CSE1L: variants seen among roughly 807,000 people sequenced by gnomAD.
CSE1L encodes exportin-2.
A neutral mutation model predicts 120.4 loss-of-function variants in CSE1L; 24 were observed. That is an observed-to-expected ratio of 0.20 (90% CI 0.14 to 0.28). The LOEUF (loss-of-function observed/expected upper bound fraction) is 0.28. Among genes scored for constraint, CSE1L ranks in the 10% least tolerant of loss-of-function variants. The pLI, the probability that CSE1L is intolerant of heterozygous loss-of-function variation, is 1.00. For missense variants in CSE1L, 830 were observed against 1,145.2 expected, an observed-to-expected ratio of 0.72 and a Z score of 3.97; for synonymous variants, 402 against 398.3, an observed-to-expected ratio of 1.01 and a Z score of -0.11.
rs1393698618 is a variant in CSE1L, at chr20:49,070,199, C to G, written c.676-6C>G. ...CAAAAGTTTCAAGTCAGTGTTTATT[C>G]TGTAGGATCTCCCTGAATTTTTTGA... On this transcript the variant is annotated splice_polypyrimidine_tract_variant and splice_region_variant and intron_variant, in intron 7 of 24. Transcript: ENST00000262982. The G allele has an allele frequency of 3.0e-6, 4 of 1,341,412 alleles. No individual in the cohort carries two copies. In the African/African-American group the frequency reaches 4.4e-5, roughly 15 times the overall value. 83.1% of individuals were successfully genotyped at this position (1,341,412 alleles called of 1,614,324 possible). A position where few individuals can be genotyped will look rare whatever the true frequency, so the allele number is the denominator to read the frequency against.
intron 3 of CSE1L, among the ~76,000 whole-genome samples, chr20:49,065,969 G>A (rs1428237836): frequency 6.6e-6 from 1 of 152,160 alleles, no homozygotes; most frequent in African/African-American, 2.4e-5. Context: ...TTGCATTTGG[G>A]AGGCAATGTA....
At chr20:49,073,528 C>T (rs117590849) in intron 10 of CSE1L, among the ~76,000 whole-genome samples, 1,715 of 152,246 alleles carry the variant, frequency 0.011, 14 homozygotes, top group Non-Finnish European at 0.019. Context: ...CTGTGTCACC[C>T]AGGCTGGAGT....
intron 6 of CSE1L, 51 bp from the exon 7 acceptor site, chr20:49,068,664 C>A: frequency 1.7e-6 from 2 of 1,171,822 alleles, no homozygotes; most frequent in Non-Finnish European, 2.6e-6. Context: ...CTAAGATCAG[C>A]ATGCTGGGTT....
At chr20:49,089,216 G>A (rs1188807326) in intron 17 of CSE1L, 31 bp from the exon 18 acceptor site, 8 of 1,496,562 alleles carry the variant, frequency 5.3e-6, no homozygotes, top group Non-Finnish European at 7.2e-6. Flanking sequence ...TGGATTATTA[G>A]CATAATTAGG....
rs377374408 is a variant in CSE1L at position 49,094,117 on chromosome 20, G to A, written c.2448-23G>A. On this transcript the variant is annotated intron_variant, in intron 22 of 24. Transcript: ENST00000262982. ...CATTATAGTGATAATCTAATATTAA[G>A]TTGATTTATTTTGCTTTAATAGAAT... 7 of 1,370,204 alleles carry A rather than the reference G, an allele frequency of 5.1e-6. No individual in the cohort carries two copies. In the Admixed American group the frequency reaches 6.0e-5, roughly 12 times the overall value. 84.9% of individuals were successfully genotyped at this position (1,370,204 alleles called of 1,614,324 possible).
intron 6 of CSE1L, 35 bp downstream of exon 6, chr20:49,067,315 A>T: frequency 7.6e-7 from 1 of 1,323,928 alleles, no homozygotes; most frequent in Non-Finnish European, 1.1e-6. Context: ...TTTTAAATTA[A>T]TATTTTAAAT....
intron 3 of CSE1L, among the ~76,000 whole-genome samples, chr20:49,065,007 A>G (rs2091879926): frequency 6.6e-6 from 1 of 151,518 alleles, no homozygotes; most frequent in African/African-American, 2.4e-5. Flanking sequence ...AAAATTTAAA[A>G]TTAGCCAGGT....
At chr20:49,083,419 G>T (rs1600540852) in intron 14 of CSE1L, among the ~76,000 whole-genome samples, 1 of 152,220 alleles carries the variant, frequency 6.6e-6, no homozygotes, top group East Asian at 1.9e-4. Flanking sequence ...ACCATGCCCA[G>T]CTAATTTTTT....
At position 49,072,231 on chromosome 20, in the gene CSE1L, T is replaced by C. The variant is rs2091937810; in HGVS notation, c.769-55T>C. The stretch of plus-strand genomic sequence containing the variant: ...GTTCAGGAATTTCAGTTACTCCTCT[T>C]ACTTATGTTAGCATTAGAGTTGTAT... On this transcript the variant is annotated intron_variant, in intron 8 of 24. Transcript: ENST00000262982. 1.9e-6 allele frequency: 3 copies of C among 1,573,852 alleles called. No homozygotes were observed. In the Admixed American group the frequency reaches 5.5e-5, roughly 29 times the overall value.
chr20:49,077,487 C>G (rs2091978515), intron 13 of CSE1L, among the ~76,000 whole-genome samples: 1 of 152,058 alleles, frequency 6.6e-6, no homozygotes, highest in Non-Finnish European at 1.5e-5. Context: ...AATAAAATCT[C>G]AAATGGTTTC....
chr20:49,057,852 A>C (rs890832825), intron 1 of CSE1L, among the ~76,000 whole-genome samples: 1 of 151,970 alleles, frequency 6.6e-6, no homozygotes, highest in Non-Finnish European at 1.5e-5. Flanking sequence ...GGCTGGTCTC[A>C]AATTCTTGAC....
intron 13 of CSE1L, among the ~76,000 whole-genome samples, chr20:49,077,483 A>G (rs1474153727): frequency 1.3e-5 from 2 of 152,152 alleles, no homozygotes; most frequent in Non-Finnish European, 2.9e-5. Context: ...ATTGAATAAA[A>G]TCTCAAATGG....
intron 10 of CSE1L, 24 bp from the exon 11 acceptor site, chr20:49,074,761 C>T: frequency 1.2e-6 from 2 of 1,601,356 alleles, no homozygotes; most frequent in African/African-American, 1.3e-5. Context: ...GGAGTGTTAT[C>T]TGAAATATCA....
At chr20:49,090,551 C>A (rs560360475) in intron 19 of CSE1L, among the ~76,000 whole-genome samples, 191 bp from the exon 20 acceptor site, 1 of 151,846 alleles carries the variant, frequency 6.6e-6, no homozygotes, top group African/African-American at 2.4e-5. Flanking sequence ...AGTGAAACTC[C>A]GTCTCAAAGA....
chr20:49,087,351 C>CTTTTTTTTTTTTTTTTTTTTTTTTTT (rs11483071), intron 16 of CSE1L, among the ~76,000 whole-genome samples: 1 of 116,286 alleles, frequency 8.6e-6, no homozygotes, highest in Non-Finnish European at 1.7e-5. Flanking sequence ...TTTTCTTTTT[C>CTTTTTTTTTTTTTTTTTTTTTTTTTT]TTTTTTTTTT....
At chr20:49,051,381 C>A (rs942035285) in intron 1 of CSE1L, among the ~76,000 whole-genome samples, 5 of 129,432 alleles carry the variant, frequency 3.9e-5, no homozygotes, top group African/African-American at 1.7e-4. Flanking sequence ...CGCATCTTTA[C>A]TGTATATAAA....
intron 10 of CSE1L, 133 bp from the exon 11 acceptor site, chr20:49,074,652 T>A: frequency 1.7e-6 from 1 of 592,654 alleles, no homozygotes; most frequent in Non-Finnish European, 2.9e-6. Context: ...TAAGAGTATA[T>A]GAAGTAGTCA....
chr20:49,068,812 T>TA lies in CSE1L; in HGVS notation c.668dup (p.Asn223LysfsTer7), dbSNP rs752016226. On this transcript the variant is annotated frameshift_variant, in exon 7 of 25. Transcript: ENST00000262982. LOFTEE classifies it high-confidence loss of function. ...CTGATCTCAAAATTGTTCTATAGTT[T>TA]AAACTTTCAGGTAAGTTCATTTGAT... 1 of 1,602,050 alleles carries TA rather than the reference T, an allele frequency of 6.2e-7. No individual in the cohort carries two copies. The highest frequency in any genetic ancestry group is 8.6e-7 in the Non-Finnish European group (1 of 1,168,852).
chr20:49,075,442 T>C lies in CSE1L; in HGVS notation c.1257T>C (p.Asn419=). The C allele has an allele frequency of 6.2e-7, 1 of 1,614,138 alleles. No homozygotes were observed. The highest frequency in any genetic ancestry group is 8.5e-7 in the Non-Finnish European group (1 of 1,180,028). ...CCATGCTGCAGGAATACGCAAAAAA[T>C]CCATCTGTCAACTGGAAACACAAAG... ...VNSMLQEYAK[N]PSVNWKHKDA... The change falls in exon 12 of 25, where the codon AAT becomes AAC. Residue 419 remains asparagine, a synonymous_variant. Transcript: ENST00000262982.
Sources: gnomAD v4.1 joint callset for allele counts (sites outside exome capture counted in the v4.1 genomes callset) on GRCh38, gnomAD v4.1.1 for gene constraint, MANE v1.5 for transcripts, NCBI Gene and HGNC (gene_info 2026-07-23, HGNC 2026-07-21) for gene names.